Variants in DLG2 observed in about 807,000 individuals in gnomAD.
DLG2 encodes the protein disks large homolog 2.
DLG2 carries 45 observed loss-of-function variants against 132.5 expected under a neutral mutation model. The observed-to-expected ratio is 0.34, with a 90% CI of 0.27 to 0.44. The LOEUF is 0.44. Ranked by LOEUF, DLG2 falls within the 20% of genes least tolerant of loss-of-function variation. The pLI is 1.00. For missense variants in DLG2, 1,045 were observed against 1,196.9 expected (o/e 0.87, Z 1.87); for synonymous variants, 424 against 419.6 (o/e 1.01, Z -0.13).
At chr11:83,706,701 C>T (rs748582060) in intron 18 of DLG2, among the ~76,000 whole-genome samples, 8 of 152,194 alleles carry the variant, frequency 5.3e-5, no homozygotes, top group African/African-American at 1.9e-4. Context: ...CTCCAATTGT[C>T]GAGAGTTGCC....
intron 4 of DLG2, among the ~76,000 whole-genome samples, chr11:85,240,594 G>A (rs2075827027): frequency 6.6e-6 from 1 of 151,742 alleles, no homozygotes; most frequent in African/African-American, 2.4e-5. Context: ...TGATCTTTGT[G>A]TTTGATGGAA....
In DLG2 at chr11:84,733,153, C is replaced by T. The variant is rs566805532; in HGVS notation, c.358-198422G>A. ...TGATTTATAATCCTTTGGGTATATA[C>T]CCAGTAATGGGATTGCTGGGTCAAA... On this transcript the variant is annotated intron_variant, in intron 6 of 27. Transcript: ENST00000376104. Among the ~76,000 whole-genome samples the T allele has an allele frequency of 2.3e-4, 35 of 152,226 alleles. 2 individuals carry two copies. In the South Asian group the frequency reaches 6.9e-3, roughly 30 times the overall value.
intron 22 of DLG2, among the ~76,000 whole-genome samples, chr11:83,481,036 C>T (rs11233634): frequency 5.3e-5 from 8 of 152,008 alleles, no homozygotes; most frequent in African/African-American, 1.7e-4. Flanking sequence ...TAATATTTTA[C>T]GAATCAGCTC....
chr11:84,947,421 T>C lies in DLG2; in HGVS notation c.357+164240A>G, dbSNP rs146092514. 6.0e-4 allele frequency among the ~76,000 whole-genome samples: 92 copies of C among 152,310 alleles called. 1 individual carries two copies. The East Asian group carries it at 0.017, about 28-fold the overall frequency. On this transcript the variant is annotated intron_variant, in intron 6 of 27. Transcript: ENST00000376104. Reference sequence around the variant, plus strand: ...CAGCTTCCCTAATTTTTGCTCATAGTACCAACATAGAACCAGAGAAGAACA... The same window carrying C: ...CAGCTTCCCTAATTTTTGCTCATAGCACCAACATAGAACCAGAGAAGAACA...
intron 10 of DLG2, among the ~76,000 whole-genome samples, chr11:84,096,684 T>A (rs1772202552): frequency 1.3e-5 from 2 of 152,068 alleles, no homozygotes. Flanking sequence ...TTTCTAAACT[T>A]TAAAAATAGA....
At chr11:85,309,557 G>A (rs964060482) in intron 3 of DLG2, among the ~76,000 whole-genome samples, 1 of 151,924 alleles carries the variant, frequency 6.6e-6, no homozygotes, top group Non-Finnish European at 1.5e-5. Flanking sequence ...TTCCCAATAG[G>A]CATTTAAATG....
chr11:85,057,016 C>G (rs567028506), intron 6 of DLG2, among the ~76,000 whole-genome samples: 1 of 151,654 alleles, frequency 6.6e-6, no homozygotes, highest in South Asian at 2.1e-4. Context: ...ATTGGAGGGC[C>G]AAAAATAGGG....
At chr11:85,343,099 A>T in intron 3 of DLG2, among the ~76,000 whole-genome samples, 1 of 152,204 alleles carries the variant, frequency 6.6e-6, no homozygotes, top group East Asian at 1.9e-4. Flanking sequence ...TATACAGTCT[A>T]TATTCAAATT....
chr11:84,749,833 T>C (rs1335870017), intron 6 of DLG2, among the ~76,000 whole-genome samples: 1 of 152,156 alleles, frequency 6.6e-6, no homozygotes, highest in Non-Finnish European at 1.5e-5. Flanking sequence ...CTCTACGTGT[T>C]TAGCACTATA....
chr11:83,840,798 T>C (rs545686606), intron 16 of DLG2, among the ~76,000 whole-genome samples: 14 of 152,348 alleles, frequency 9.2e-5, no homozygotes, highest in Non-Finnish European at 1.6e-4. Context: ...GATGGTGCAT[T>C]TGACATCTGC....
chr11:85,042,874 A>G (rs2061994162), intron 6 of DLG2, among the ~76,000 whole-genome samples: 1 of 151,964 alleles, frequency 6.6e-6, no homozygotes, highest in South Asian at 2.1e-4. Flanking sequence ...ATTTTAGAAA[A>G]TAAAGGAGGA....
intron 11 of DLG2, among the ~76,000 whole-genome samples, chr11:84,049,960 G>A (rs529448009): frequency 1.3e-5 from 2 of 151,804 alleles, no homozygotes; most frequent in African/African-American, 4.8e-5. Flanking sequence ...GGAATGAAAT[G>A]AACAAAGGCT....
intron 6 of DLG2, among the ~76,000 whole-genome samples, chr11:84,588,723 A>G (rs533035809): frequency 1.3e-5 from 2 of 152,154 alleles, no homozygotes; most frequent in African/African-American, 4.8e-5. Context: ...ACAGGTTGCA[A>G]TAAAGAAGCC....
At chr11:85,033,217 T>G (rs1307234458) in intron 6 of DLG2, among the ~76,000 whole-genome samples, 1 of 152,128 alleles carries the variant, frequency 6.6e-6, no homozygotes, top group Non-Finnish European at 1.5e-5. Context: ...TATTTAAATA[T>G]TAATCTTTTC....
intron 3 of DLG2, among the ~76,000 whole-genome samples, chr11:85,394,622 G>A (rs1356583141): frequency 6.6e-6 from 1 of 152,180 alleles, no homozygotes; most frequent in Non-Finnish European, 1.5e-5. Flanking sequence ...CATTCAGTAA[G>A]TATTTTATTA....
chr11:84,068,189 G>A (rs544497503), intron 10 of DLG2, among the ~76,000 whole-genome samples: 9 of 152,302 alleles, frequency 5.9e-5, no homozygotes, highest in South Asian at 2.1e-4. Context: ...TATGGGCTTC[G>A]GACAGAAGGA....
At chr11:85,238,125 C>T (rs2075681741) in intron 4 of DLG2, among the ~76,000 whole-genome samples, 1 of 151,734 alleles carries the variant, frequency 6.6e-6, no homozygotes, top group Admixed American at 6.6e-5. Context: ...TTCTTAATGG[C>T]ATGTGGAAAC....
At chr11:83,973,187 A>G (rs1217896830) in intron 12 of DLG2, among the ~76,000 whole-genome samples, 1 of 152,134 alleles carries the variant, frequency 6.6e-6, no homozygotes, top group South Asian at 2.1e-4. Flanking sequence ...TTAGCATAGT[A>G]ATATATATGT....
chr11:84,150,265 T>A (rs1264158738), intron 9 of DLG2, among the ~76,000 whole-genome samples: 3 of 152,200 alleles, frequency 2.0e-5, no homozygotes, highest in Non-Finnish European at 4.4e-5. Context: ...CTGGTAGAGA[T>A]CTTTCTCCTT....
Sources: gnomAD v4.1 joint callset for allele counts (sites outside exome capture counted in the v4.1 genomes callset) on GRCh38, gnomAD v4.1.1 for gene constraint, MANE v1.5 for transcripts, NCBI Gene and HGNC (gene_info 2026-07-23, HGNC 2026-07-21) for gene names.